ZBTB20: variants seen among roughly 807,000 people sequenced by gnomAD.
ZBTB20 encodes the protein zinc finger and BTB domain containing 20.
A neutral mutation model predicts 56.9 loss-of-function variants in ZBTB20; 9 were observed. The observed-to-expected ratio is 0.16, with a 90% CI of 0.10 to 0.28. The LOEUF (loss-of-function observed/expected upper bound fraction) is 0.28. Among genes scored for constraint, ZBTB20 ranks in the 10% least tolerant of loss-of-function variants. The probability of loss-of-function intolerance (pLI) is 1.00; values close to 1 mark genes in which losing one functional copy is unlikely to be tolerated. For missense variants in ZBTB20, 655 were observed against 1,003.0 expected (o/e 0.65, Z 4.69); for synonymous variants, 417 against 420.7 (o/e 0.99, Z 0.11).
chr3:114,814,391 A>G (rs2072777088), intron 4 of ZBTB20, among the ~76,000 whole-genome samples: 1 of 151,756 alleles, frequency 6.6e-6, no homozygotes, highest in Admixed American at 6.6e-5. Flanking sequence ...ATATTTGTCT[A>G]TCTACCCTTC....
chr3:114,989,707 CATG>C (rs1487372250), intron 2 of ZBTB20, among the ~76,000 whole-genome samples: 1 of 152,170 alleles, frequency 6.6e-6, no homozygotes, highest in East Asian at 1.9e-4. Context: ...TGGCCATTTT[CATG>C]ATATTGATTC....
At chr3:114,859,366 TTCC>T (rs2075402560) in intron 4 of ZBTB20, among the ~76,000 whole-genome samples, 1 of 149,542 alleles carries the variant, frequency 6.7e-6, no homozygotes, top group African/African-American at 2.5e-5. Context: ...TCTCTTCTCC[TTCC>T]TTTCTTCCTT....
rs190135431 is a variant in ZBTB20, at chr3:114,994,727, C to T, written c.-506-20311G>A. Reference sequence around the variant, plus strand: ...TGATTGGACACTGCCACACTTATTTCCTGTTCTATATTGATTTTCATGCAG... The same window carrying T: ...TGATTGGACACTGCCACACTTATTTTCTGTTCTATATTGATTTTCATGCAG... On this transcript the variant is annotated intron_variant, in intron 2 of 11. Transcript: ENST00000675478. 5.9e-5 allele frequency among the ~76,000 whole-genome samples: 9 copies of T among 151,976 alleles called. No individual in the cohort carries two copies. The East Asian group carries it at 1.8e-3, about 30-fold the overall frequency.
chr3:115,063,990 T>C (rs894838102), intron 2 of ZBTB20, among the ~76,000 whole-genome samples: 1 of 152,152 alleles, frequency 6.6e-6, no homozygotes. Flanking sequence ...TTCCTTCCTA[T>C]TGTTAATATT....
At chr3:114,890,790 CAG>C (rs2076778688) in intron 4 of ZBTB20, among the ~76,000 whole-genome samples, 1 of 152,128 alleles carries the variant, frequency 6.6e-6, no homozygotes, top group Admixed American at 6.5e-5. Context: ...TCACATTTCA[CAG>C]AGTTTACAGT....
At chr3:114,792,510 G>T (rs1220206086) in intron 5 of ZBTB20, among the ~76,000 whole-genome samples, 2 of 152,108 alleles carry the variant, frequency 1.3e-5, no homozygotes, top group Non-Finnish European at 1.5e-5. Context: ...AGGTAGCATT[G>T]CTTCTAATTA....
At chr3:114,913,494 G>T (rs2075623613) in intron 3 of ZBTB20, among the ~76,000 whole-genome samples, 1 of 151,948 alleles carries the variant, frequency 6.6e-6, no homozygotes, top group Admixed American at 6.6e-5. Flanking sequence ...ATCACTGTCA[G>T]ATGGACATTT....
chr3:114,749,766 C>T (rs1256516893), intron 5 of ZBTB20, among the ~76,000 whole-genome samples: 1 of 152,142 alleles, frequency 6.6e-6, no homozygotes, highest in African/African-American at 2.4e-5. Context: ...ATCCCATTTC[C>T]ACCTTTTAAC....
At chr3:115,142,387 G>C (rs1020543179) in intron 1 of ZBTB20, among the ~76,000 whole-genome samples, 3 of 152,074 alleles carry the variant, frequency 2.0e-5, no homozygotes, top group Non-Finnish European at 4.4e-5. Context: ...CTGAGGCTGG[G>C]CACGGTGGCT....
chr3:114,647,836 GATAA>G (rs2059929861), intron 6 of ZBTB20, among the ~76,000 whole-genome samples: 1 of 152,066 alleles, frequency 6.6e-6, no homozygotes, highest in African/African-American at 2.4e-5. Context: ...ACAATCACTT[GATAA>G]ATAATCAGGT....
intron 3 of ZBTB20, among the ~76,000 whole-genome samples, chr3:114,962,998 T>C (rs946746949): frequency 6.6e-6 from 1 of 152,092 alleles, no homozygotes; most frequent in Non-Finnish European, 1.5e-5. Context: ...TTGTAGTAAT[T>C]AGCCAGAGCT....
intron 6 of ZBTB20, among the ~76,000 whole-genome samples, chr3:114,594,132 A>C (rs1302362762): frequency 6.6e-6 from 1 of 152,228 alleles, no homozygotes; most frequent in Non-Finnish European, 1.5e-5. Context: ...AGAAGAATCC[A>C]AATCTTGCCT....
chr3:114,650,351 T>C (rs931748538), intron 6 of ZBTB20, among the ~76,000 whole-genome samples: 2 of 151,936 alleles, frequency 1.3e-5, no homozygotes, highest in African/African-American at 4.8e-5. Context: ...GTTCTAAGAA[T>C]ATGCATTGGC....
chr3:114,661,786 G>T (rs1294141216), intron 6 of ZBTB20, among the ~76,000 whole-genome samples: 1 of 152,098 alleles, frequency 6.6e-6, no homozygotes, highest in Non-Finnish European at 1.5e-5. Flanking sequence ...AAAGGAAAGA[G>T]CAACTATATG....
intron 3 of ZBTB20, among the ~76,000 whole-genome samples, chr3:114,919,163 A>C (rs942884875): frequency 1.3e-5 from 2 of 152,204 alleles, no homozygotes; most frequent in Admixed American, 6.5e-5. Flanking sequence ...ACAATATAAA[A>C]AGGTATAAAA....
At chr3:114,743,639 A>C (rs979938591) in intron 5 of ZBTB20, 5 of 154,208 alleles carry the variant, frequency 3.2e-5, no homozygotes, top group African/African-American at 1.2e-4. Context: ...AACATATCAG[A>C]AGTGAAATTA....
chr3:114,652,219 C>T (rs1456889844), intron 6 of ZBTB20, among the ~76,000 whole-genome samples: 1 of 151,952 alleles, frequency 6.6e-6, no homozygotes, highest in Admixed American at 6.6e-5. Flanking sequence ...CATAAACAAC[C>T]AGCATTCTGA....
At chr3:115,010,378 G>A (rs888790939) in intron 2 of ZBTB20, among the ~76,000 whole-genome samples, 1 of 151,986 alleles carries the variant, frequency 6.6e-6, no homozygotes, top group African/African-American at 2.4e-5. Context: ...ATGGCCACAA[G>A]GGAGCTTGGG....
At chr3:114,452,835 A>G (rs1316111202) in intron 7 of ZBTB20, among the ~76,000 whole-genome samples, 1 of 152,130 alleles carries the variant, frequency 6.6e-6, no homozygotes, top group Non-Finnish European at 1.5e-5. Context: ...GTAGTTAGGA[A>G]TGGTACATAA....
Sources: gnomAD v4.1 joint callset for allele counts (sites outside exome capture counted in the v4.1 genomes callset) on GRCh38, gnomAD v4.1.1 for gene constraint, MANE v1.5 for transcripts, NCBI Gene and HGNC (gene_info 2026-07-23, HGNC 2026-07-21) for gene names.